Variants in THOC1 observed in about 807,000 individuals in gnomAD.
THOC1 encodes the protein THO complex subunit 1.
A neutral mutation model predicts 97.3 loss-of-function variants in THOC1; 29 were observed. The observed-to-expected ratio is 0.30, with a 90% CI of 0.22 to 0.41. THOC1 has a LOEUF of 0.41. Ranked by LOEUF, THOC1 falls within the 10% of genes least tolerant of loss-of-function variation. THOC1 has a pLI of 1.00. For missense variants in THOC1, 529 were observed against 761.9 expected (o/e 0.69, Z 3.60); for synonymous variants, 255 against 257.0 (o/e 0.99, Z 0.07).
intron 4 of THOC1, chr18:261,072 G>C (rs1362459090): frequency 6.6e-6 from 1 of 152,136 alleles, no homozygotes; most frequent in East Asian, 1.9e-4. Flanking sequence ...AACAAGGTTT[G>C]ATATTAACTA....
chr18:259,815 G>T, intron 5 of THOC1, 85 bp from the exon 6 acceptor site: 1 of 1,016,254 alleles, frequency 9.8e-7, no homozygotes, highest in Non-Finnish European at 1.5e-6. Flanking sequence ...AAATATTAAA[G>T]AACACTAACA....
At chr18:222,858 ACTT>A (rs1000716569) in intron 17 of THOC1, among the ~76,000 whole-genome samples, 34 of 152,034 alleles carry the variant, frequency 2.2e-4, no homozygotes, top group Non-Finnish European at 4.1e-4. Context: ...TAAGTATTAT[ACTT>A]CTTGAACCTA....
At chr18:228,802 T>C (rs1199836362) in intron 11 of THOC1, among the ~76,000 whole-genome samples, 2 of 152,188 alleles carry the variant, frequency 1.3e-5, no homozygotes, top group Admixed American at 1.3e-4. Context: ...ATACCCCAAA[T>C]TACACAGCTA....
chr18:252,272 G>A (rs1261944020), intron 9 of THOC1, among the ~76,000 whole-genome samples: 1 of 152,176 alleles, frequency 6.6e-6, no homozygotes, highest in Non-Finnish European at 1.5e-5. Context: ...GAGCTCCTAA[G>A]GCTGCCTGTG....
intron 19 of THOC1, among the ~76,000 whole-genome samples, chr18:215,979 G>A (rs1159062687): frequency 6.6e-6 from 1 of 152,096 alleles, no homozygotes; most frequent in Non-Finnish European, 1.5e-5. Context: ...TTTTGAGACG[G>A]AGTCTTGCTT....
At chr18:234,215 C>T (rs181178532) in intron 11 of THOC1, among the ~76,000 whole-genome samples, 18 of 152,230 alleles carry the variant, frequency 1.2e-4, no homozygotes, top group Admixed American at 1.1e-3. Context: ...ATTATATTGT[C>T]TTCAAATGGG....
intron 7 of THOC1, 37 bp downstream of exon 7, chr18:259,143 T>A (rs568658349): frequency 3.0e-5 from 44 of 1,488,452 alleles, no homozygotes; most frequent in African/African-American, 4.2e-5. Flanking sequence ...GGAAAAGATT[T>A]TCCTGCAGAA....
chr18:225,524 A>T, intron 12 of THOC1, 121 bp from the exon 13 acceptor site: 1 of 754,208 alleles, frequency 1.3e-6, no homozygotes, highest in Non-Finnish European at 2.2e-6. Flanking sequence ...AAAATTACCA[A>T]GACAAGAATA....
Position 260,334 on chromosome 18 carries a change from G to C in THOC1, c.257-30C>G. ...AAGTGGAGCACAAGCCAATTTAAAAGTTTAAAAAACTGTAGAGTAGAATAG... is the reference window on the plus strand; with the variant it reads ...AAGTGGAGCACAAGCCAATTTAAAACTTTAAAAAACTGTAGAGTAGAATAG... On this transcript the variant is annotated intron_variant, in intron 4 of 20. Transcript: ENST00000261600. 1.4e-6 allele frequency: 2 copies of C among 1,403,140 alleles called. No homozygotes were observed. The highest frequency in any genetic ancestry group is 1.8e-4 in the Middle Eastern group (1 of 5,444). 86.9% of individuals were successfully genotyped at this position (1,403,140 alleles called of 1,614,324 possible).
intron 11 of THOC1, among the ~76,000 whole-genome samples, chr18:243,789 T>C (rs1407152577): frequency 1.3e-5 from 2 of 152,194 alleles, no homozygotes; most frequent in African/African-American, 2.4e-5. Flanking sequence ...AATAAAACTT[T>C]TGAATTCTTT....
intron 9 of THOC1, 135 bp downstream of exon 9, chr18:252,404 T>G: frequency 1.5e-6 from 1 of 681,148 alleles, no homozygotes. Flanking sequence ...TTAAGTAATA[T>G]ACATGAAAAT....
chr18:241,075 C>T (rs546917290), intron 11 of THOC1, among the ~76,000 whole-genome samples: 1 of 152,218 alleles, frequency 6.6e-6, no homozygotes, highest in South Asian at 2.1e-4. Context: ...ACAGATGAAG[C>T]TTCGCTTGCT....
At chr18:225,164 G>A in intron 13 of THOC1, 25 bp from the exon 14 acceptor site, 2 of 1,556,104 alleles carry the variant, frequency 1.3e-6, no homozygotes, top group South Asian at 2.4e-5. Context: ...AATATACTAA[G>A]CTTTCAACAA....
chr18:259,656 A>T (rs769022725), intron 6 of THOC1, 26 bp downstream of exon 6: 2 of 1,513,476 alleles, frequency 1.3e-6, no homozygotes, highest in Non-Finnish European at 8.9e-7. Flanking sequence ...CTTAAAAAGC[A>T]ATCATTTTAT....
At chr18:257,081 T>C (rs1322040715) in intron 7 of THOC1, among the ~76,000 whole-genome samples, 4 of 152,228 alleles carry the variant, frequency 2.6e-5, no homozygotes, top group Admixed American at 6.5e-5. Context: ...GACTACAGCA[T>C]AGTGTAAACA....
At chr18:237,756 T>C (rs977207869) in intron 11 of THOC1, among the ~76,000 whole-genome samples, 7 of 152,222 alleles carry the variant, frequency 4.6e-5, no homozygotes, top group African/African-American at 1.7e-4. Context: ...CTACCTGGAA[T>C]AGTACCTTCC....
rs538022377 is a variant in THOC1, at chr18:221,631, C to T, written c.1370+1809G>A. On this transcript the variant is annotated intron_variant, in intron 17 of 20. Transcript: ENST00000261600. ...CTTTTTTTTTTTTTTTTTTTTGAGACGGAGTCTCGCTCTGTCGCCCAGGCT... is the reference window on the plus strand; with the variant it reads ...CTTTTTTTTTTTTTTTTTTTTGAGATGGAGTCTCGCTCTGTCGCCCAGGCT... 3.5e-4 allele frequency among the ~76,000 whole-genome samples: 38 copies of T among 108,456 alleles called. No individual in the cohort carries two copies. The South Asian group carries it at 9.2e-3, about 26-fold the overall frequency. The allele number at this position is 108,456 out of a possible 152,430, so 71.2% of individuals were successfully genotyped here.
intron 9 of THOC1, among the ~76,000 whole-genome samples, chr18:248,363 A>G (rs1488467700): frequency 6.6e-6 from 1 of 152,154 alleles, no homozygotes; most frequent in Non-Finnish European, 1.5e-5. Flanking sequence ...TGTGAGCGTG[A>G]GCCACCTTGC....
chr18:259,967 T>A, intron 5 of THOC1: 1 of 525,608 alleles, frequency 1.9e-6, no homozygotes, highest in Non-Finnish European at 3.3e-6. Flanking sequence ...TCAAGTTAAT[T>A]TTTATTACAC....
Sources: gnomAD v4.1 joint callset for allele counts (sites outside exome capture counted in the v4.1 genomes callset) on GRCh38, gnomAD v4.1.1 for gene constraint, MANE v1.5 for transcripts, NCBI Gene and HGNC (gene_info 2026-07-23, HGNC 2026-07-21) for gene names.